PAPPA2: variants seen among roughly 807,000 people sequenced by gnomAD.
The protein encoded by PAPPA2 is pappalysin-2.
A neutral mutation model predicts 176.4 loss-of-function variants in PAPPA2; 86 were observed. The observed-to-expected ratio is 0.49, with a 90% CI of 0.41 to 0.58. PAPPA2 has a LOEUF of 0.58. Among genes scored for constraint, PAPPA2 ranks in the 20% least tolerant of loss-of-function variants. The pLI, the probability that PAPPA2 is intolerant of heterozygous loss-of-function variation, is 0.00. For missense variants in PAPPA2, 2,073 were observed against 2,256.9 expected, an observed-to-expected ratio of 0.92 and a Z score of 1.65; for synonymous variants, 809 against 852.2, an observed-to-expected ratio of 0.95 and a Z score of 0.88.
At chr1:176,583,511 T>C (rs1008516264) in intron 2 of PAPPA2, among the ~76,000 whole-genome samples, 10 of 152,344 alleles carry the variant, frequency 6.6e-5, no homozygotes, top group Admixed American at 3.3e-4. Context: ...TTTCCATGTA[T>C]TTTTATGGTT....
intron 1 of PAPPA2, among the ~76,000 whole-genome samples, chr1:176,519,432 C>T (rs1267013016): frequency 2.0e-5 from 3 of 152,070 alleles, no homozygotes; most frequent in African/African-American, 4.8e-5. Flanking sequence ...AGAGCATGAC[C>T]TTTAGACCTA....
intron 3 of PAPPA2, among the ~76,000 whole-genome samples, chr1:176,600,092 C>T (rs1340863274): frequency 6.6e-5 from 10 of 152,040 alleles, no homozygotes; most frequent in Non-Finnish European, 5.9e-5. Context: ...ATGTGTCAGG[C>T]ATGGTAAGGT....
At chr1:176,641,730 T>C (rs1169790906) in intron 3 of PAPPA2, among the ~76,000 whole-genome samples, 3 of 151,996 alleles carry the variant, frequency 2.0e-5, no homozygotes, top group African/African-American at 7.2e-5. Flanking sequence ...TTCTCCTATT[T>C]TTTGACCATG....
chr1:176,538,882 G>A (rs536700223), intron 1 of PAPPA2, among the ~76,000 whole-genome samples: 1 of 152,210 alleles, frequency 6.6e-6, no homozygotes, highest in Non-Finnish European at 1.5e-5. Context: ...GTTTTTGCTT[G>A]GCCTCACAGA....
intron 20 of PAPPA2, 40 bp from the exon 21 acceptor site, chr1:176,800,021 C>G: frequency 6.2e-7 from 1 of 1,607,858 alleles, no homozygotes; most frequent in Non-Finnish European, 8.5e-7. Flanking sequence ...CAACAAATGT[C>G]TTTAATTTTG....
intron 1 of PAPPA2, among the ~76,000 whole-genome samples, chr1:176,531,113 C>G (rs776638462): frequency 2.6e-5 from 4 of 152,184 alleles, no homozygotes; most frequent in Non-Finnish European, 5.9e-5. Flanking sequence ...GAATTATTTG[C>G]CAAGCAAATA....
At chr1:176,593,481 A>G (rs146907124) in intron 2 of PAPPA2, among the ~76,000 whole-genome samples, 163 of 152,358 alleles carry the variant, frequency 1.1e-3, no homozygotes, top group African/African-American at 3.6e-3. Flanking sequence ...ACTTATTAGT[A>G]AAAGCTATTC....
chr1:176,616,504 G>T, intron 3 of PAPPA2: 1 of 973,472 alleles, frequency 1.0e-6, no homozygotes, highest in Non-Finnish European at 1.6e-6. Flanking sequence ...TAACAACCAG[G>T]TTCTTCACAA....
intron 1 of PAPPA2, chr1:176,553,712 G>A (rs1179086103): frequency 2.0e-5 from 3 of 152,048 alleles, no homozygotes; most frequent in African/African-American, 4.8e-5. Flanking sequence ...TCCTGGCTGT[G>A]TTATCCCTCC....
chr1:176,742,607 T>C (rs1662736788), intron 14 of PAPPA2, among the ~76,000 whole-genome samples: 1 of 152,226 alleles, frequency 6.6e-6, no homozygotes, highest in African/African-American at 2.4e-5. Context: ...AGCAAATCAG[T>C]ACAATGTAGT....
chr1:176,473,454 A>G (rs1292574656), intron 1 of PAPPA2, among the ~76,000 whole-genome samples: 1 of 152,168 alleles, frequency 6.6e-6, no homozygotes, highest in African/African-American at 2.4e-5. Context: ...TGGTTGCTGC[A>G]AAATTTTGGC....
chr1:176,740,315 G>A (rs1338022005), intron 14 of PAPPA2, 119 bp downstream of exon 14: 19 of 1,042,292 alleles, frequency 1.8e-5, no homozygotes, highest in Non-Finnish European at 2.5e-5. Context: ...AATGAATTTA[G>A]GAACTACTAA....
chr1:176,579,997 T>C lies in PAPPA2; in HGVS notation c.920-14527T>C, dbSNP rs1652869520. ...TTTCCTTCATCTGAAACATTTATCT[T>C]TTTTTGTATTGGGAAAATTCAATAT... is the stretch of plus-strand genomic sequence containing the variant. On this transcript the variant is annotated intron_variant, in intron 2 of 22. Coordinates refer to ENST00000367662, the MANE Select transcript of PAPPA2 (RefSeq NM_020318.3). 2.0e-5 allele frequency among the ~76,000 whole-genome samples: 3 copies of C among 152,324 alleles called. No individual in the cohort carries two copies. The South Asian group carries it at 6.2e-4, about 32-fold the overall frequency.
chr1:176,758,007 T>C (rs1479989608), intron 14 of PAPPA2, among the ~76,000 whole-genome samples: 5 of 152,170 alleles, frequency 3.3e-5, no homozygotes, highest in Non-Finnish European at 7.3e-5. Context: ...CAGATCTATT[T>C]TGAGGACCCA....
chr1:176,762,563 T>C (rs530565201), intron 14 of PAPPA2, among the ~76,000 whole-genome samples: 26 of 152,346 alleles, frequency 1.7e-4, no homozygotes, highest in African/African-American at 5.5e-4. Context: ...AATGACTCTC[T>C]GTTTCCCAGT....
intron 3 of PAPPA2, among the ~76,000 whole-genome samples, chr1:176,620,596 C>A (rs12139318): frequency 0.047 from 7,179 of 152,220 alleles, 246 homozygotes; most frequent in East Asian, 0.17. Context: ...TGAAAGCAGT[C>A]ACAAACAATA....
chr1:176,571,534 G>A (rs1331615353), intron 2 of PAPPA2, among the ~76,000 whole-genome samples: 2 of 152,206 alleles, frequency 1.3e-5, no homozygotes, highest in Non-Finnish European at 2.9e-5. Context: ...CTGTGAAGAT[G>A]TGATGTCACA....
At chr1:176,612,680 A>G (rs1159301048) in intron 3 of PAPPA2, among the ~76,000 whole-genome samples, 4 of 152,218 alleles carry the variant, frequency 2.6e-5, no homozygotes, top group Non-Finnish European at 4.4e-5. Flanking sequence ...AGAGGAAGCT[A>G]TGTAGTGTAA....
At chr1:176,833,160 C>T (rs1667143377) in intron 21 of PAPPA2, among the ~76,000 whole-genome samples, 1 of 152,144 alleles carries the variant, frequency 6.6e-6, no homozygotes, top group African/African-American at 2.4e-5. Flanking sequence ...CCACCCTTGC[C>T]CTTCCAGGAG....
Sources: gnomAD v4.1 joint callset for allele counts (sites outside exome capture counted in the v4.1 genomes callset) on GRCh38, gnomAD v4.1.1 for gene constraint, MANE v1.5 for transcripts, NCBI Gene and HGNC (gene_info 2026-07-23, HGNC 2026-07-21) for gene names.